Variants in GREB1L observed in about 807,000 individuals in gnomAD.
GREB1L encodes the protein GREB1 like retinoic acid receptor coactivator, also known as GREB1-like protein.
In GREB1L, 17 loss-of-function variants were observed where a neutral mutation model predicts 200.8. The ratio of observed to expected loss-of-function variants is 0.08; its 90% CI spans 0.06 to 0.13. The LOEUF is 0.13. Among genes scored for constraint, GREB1L ranks in the 10% least tolerant of loss-of-function variants. The probability of loss-of-function intolerance (pLI) is 1.00; values close to 1 mark genes in which losing one functional copy is unlikely to be tolerated. For synonymous variants in GREB1L, 789 were observed against 893.0 expected, an observed-to-expected ratio of 0.88 and a Z score of 2.08; for missense variants, 1,657 against 2,367.7, an observed-to-expected ratio of 0.70 and a Z score of 6.23.
At chr18:21,328,197 ATGTTTAAGCAC>A (rs2039053813) in intron 1 of GREB1L, among the ~76,000 whole-genome samples, 1 of 150,442 alleles carries the variant, frequency 6.6e-6, no homozygotes. Context: ...GTTCCCCAGG[ATGTTTAAGCAC>A]TGTGTGTGCT....
chr18:21,353,666 C>T (rs1363755116), intron 1 of GREB1L, among the ~76,000 whole-genome samples: 1 of 151,956 alleles, frequency 6.6e-6, no homozygotes, highest in Non-Finnish European at 1.5e-5. Context: ...GTAATAAATA[C>T]TTCTGTTTCC....
At chr18:21,503,935 T>C (rs1008126651) in intron 23 of GREB1L, among the ~76,000 whole-genome samples, 4 of 151,218 alleles carry the variant, frequency 2.6e-5, no homozygotes, top group African/African-American at 9.8e-5. Flanking sequence ...CTAGGCACTT[T>C]ATTTTATTTA....
intron 14 of GREB1L, among the ~76,000 whole-genome samples, chr18:21,453,061 G>A (rs2034599933): frequency 6.6e-6 from 1 of 152,320 alleles, no homozygotes; most frequent in Admixed American, 6.5e-5. Context: ...GATCTAAAAT[G>A]TGTTTATATT....
At chr18:21,251,467 A>G (rs1017750642) in intron 1 of GREB1L, among the ~76,000 whole-genome samples, 1 of 152,226 alleles carries the variant, frequency 6.6e-6, no homozygotes, top group African/African-American at 2.4e-5. Flanking sequence ...TGTATTCCAC[A>G]GTTAAACAAC....
intron 15 of GREB1L, among the ~76,000 whole-genome samples, chr18:21,469,076 GAA>G (rs879912771): frequency 2.6e-5 from 4 of 152,184 alleles, no homozygotes; most frequent in Non-Finnish European, 5.9e-5. Flanking sequence ...AAATCTTGTG[GAA>G]ATATTTTGAG....
intron 1 of GREB1L, among the ~76,000 whole-genome samples, chr18:21,346,381 A>G (rs1160265146): frequency 6.6e-6 from 1 of 151,818 alleles, no homozygotes; most frequent in Non-Finnish European, 1.5e-5. Context: ...CAAAGCTAAA[A>G]TGTGAACATG....
At position 21,449,591 on chromosome 18, in the gene GREB1L, C is replaced by T. The variant is rs2034416538; in HGVS notation, c.1475C>T (p.Ala492Val). The change falls in exon 12 of 33, where the codon GCC becomes GTC. Residue 492 changes from alanine to valine, a missense_variant. Coordinates refer to ENST00000424526, the MANE Select transcript of GREB1L (RefSeq NM_001142966.3). ...AMQEFTLRER[A>V]LQIGAQCVPV... The stretch of plus-strand genomic sequence containing the variant: ...CAAGAATTTACTCTGAGAGAAAGAG[C>T]CCTGCAGATAGGTGCTCAGTGTGTC... 1 of 1,551,126 alleles carries T rather than the reference C, an allele frequency of 6.4e-7. No homozygotes were observed. The highest frequency in any genetic ancestry group is 1.4e-5 in the African/African-American group (1 of 73,024).
At chr18:21,331,305 A>G (rs2039104028) in intron 1 of GREB1L, among the ~76,000 whole-genome samples, 1 of 152,186 alleles carries the variant, frequency 6.6e-6, no homozygotes, top group Admixed American at 6.5e-5. Flanking sequence ...TGGATATTCA[A>G]AAAGAAGGGA....
intron 11 of GREB1L, among the ~76,000 whole-genome samples, chr18:21,445,428 C>G (rs2034159694): frequency 6.6e-6 from 1 of 151,884 alleles, no homozygotes; most frequent in East Asian, 1.9e-4. Flanking sequence ...GAGCCCAGAT[C>G]ACGTCATTGC....
At chr18:21,288,988 G>T (rs1293376622) in intron 1 of GREB1L, among the ~76,000 whole-genome samples, 1 of 151,814 alleles carries the variant, frequency 6.6e-6, no homozygotes, top group East Asian at 1.9e-4. Context: ...CACTCGCCTC[G>T]GCCTCCCAAA....
At chr18:21,458,360 A>C (rs2034875909) in intron 15 of GREB1L, among the ~76,000 whole-genome samples, 1 of 152,052 alleles carries the variant, frequency 6.6e-6, no homozygotes, top group South Asian at 2.1e-4. Flanking sequence ...CTGATGTTTG[A>C]ATGGAGGGCT....
intron 32 of GREB1L, 32 bp downstream of exon 32, chr18:21,520,855 G>C (rs1405941340): frequency 6.0e-6 from 9 of 1,508,412 alleles, no homozygotes; most frequent in African/African-American, 1.4e-5. Flanking sequence ...GCTTGTAATT[G>C]CTATTGGTTC....
intron 18 of GREB1L, among the ~76,000 whole-genome samples, chr18:21,488,562 T>G (rs1457148994): frequency 1.3e-5 from 2 of 152,280 alleles, no homozygotes; most frequent in South Asian, 2.1e-4. Context: ...AGAAAGAAAG[T>G]GCACAGCCCC....
intron 1 of GREB1L, among the ~76,000 whole-genome samples, chr18:21,319,458 A>C (rs1241912868): frequency 6.6e-6 from 1 of 152,238 alleles, no homozygotes; most frequent in Non-Finnish European, 1.5e-5. Context: ...CTATACTCTT[A>C]TATTGTATTT....
rs568538202 is a variant in GREB1L at position 21,371,656 on chromosome 18, C to T, written c.-10+5520C>T. 6.6e-5 allele frequency among the ~76,000 whole-genome samples: 10 copies of T among 151,312 alleles called. No homozygotes were observed. The South Asian group carries it at 1.9e-3, about 29-fold the overall frequency. On this transcript the variant is annotated intron_variant, in intron 2 of 32. Transcript: ENST00000424526. ...CAACAAATTAGCCGGGCGTGGCGGG[C>T]GCCTGTAGTCGCAGCTACTCGGGAG...
chr18:21,440,155 G>A (rs2033815328), intron 8 of GREB1L, 114 bp from the exon 9 acceptor site: 1 of 1,107,962 alleles, frequency 9.0e-7, no homozygotes, highest in South Asian at 1.7e-5. Flanking sequence ...GACTTTCTGA[G>A]TATAATCAAA....
intron 1 of GREB1L, among the ~76,000 whole-genome samples, chr18:21,248,290 T>C (rs943677466): frequency 8.5e-5 from 13 of 152,198 alleles, no homozygotes; most frequent in African/African-American, 3.1e-4. Flanking sequence ...CTTTTGGGGT[T>C]GTGGGCCACT....
chr18:21,516,882 T>G, intron 30 of GREB1L, 128 bp downstream of exon 30: 1 of 892,176 alleles, frequency 1.1e-6, no homozygotes, highest in Admixed American at 2.9e-5. Flanking sequence ...AGGGAGTTTT[T>G]TTTTTTTTTT....
At chr18:21,477,128 A>C (rs2035732657) in intron 16 of GREB1L, 36 bp from the exon 17 acceptor site, 1 of 1,408,084 alleles carries the variant, frequency 7.1e-7, no homozygotes, top group Admixed American at 2.0e-5. Flanking sequence ...TACTTGGTTA[A>C]ATGAGGTATT....
Sources: allele counts gnomAD v4.1 joint callset (sites outside exome capture counted in the v4.1 genomes callset), GRCh38; gene constraint gnomAD v4.1.1; transcripts MANE v1.5; gene names NCBI Gene and HGNC (gene_info 2026-07-23, HGNC 2026-07-21).